Variants in NBEA observed in about 807,000 individuals in gnomAD.
NBEA encodes the protein lysosomal-trafficking regulator 2.
In NBEA, 44 loss-of-function variants were observed where a neutral mutation model predicts 343.4. The ratio of observed to expected loss-of-function variants is 0.13; its 90% confidence interval spans 0.10 to 0.16. NBEA has a LOEUF of 0.16. Among genes scored for constraint, NBEA ranks in the 10% least tolerant of loss-of-function variants. NBEA has a pLI of 1.00. For synonymous variants in NBEA, 1,175 were observed against 1,238.7 expected (o/e 0.95, Z 1.08); for missense variants, 2,555 against 3,631.3 (o/e 0.70, Z 7.62).
intron 41 of NBEA, among the ~76,000 whole-genome samples, chr13:35,525,397 C>CA (rs1258674084): frequency 1.1e-4 from 17 of 152,074 alleles, no homozygotes; most frequent in African/African-American, 3.9e-4. Context: ...ACTAAAAATA[C>CA]AAAAAATTAG....
intron 11 of NBEA, among the ~76,000 whole-genome samples, chr13:35,107,770 T>C (rs2065988405): frequency 6.6e-6 from 1 of 152,014 alleles, no homozygotes; most frequent in Non-Finnish European, 1.5e-5. Context: ...TCTTGAGTTC[T>C]ACCTTTAAGG....
At chr13:35,482,109 A>G (rs1386540772) in intron 41 of NBEA, among the ~76,000 whole-genome samples, 1 of 151,686 alleles carries the variant, frequency 6.6e-6, no homozygotes, top group Non-Finnish European at 1.5e-5. Context: ...TTTTTAATTT[A>G]TAGTTTTGGA....
chr13:35,497,937 A>C (rs529192673), intron 41 of NBEA, among the ~76,000 whole-genome samples: 132 of 152,140 alleles, frequency 8.7e-4, no homozygotes, highest in African/African-American at 3.0e-3. Context: ...TTTTACCTTG[A>C]ATGTGTTGCT....
chr13:35,428,920 A>G (rs1017200602), intron 38 of NBEA, among the ~76,000 whole-genome samples: 1 of 152,152 alleles, frequency 6.6e-6, no homozygotes, highest in East Asian at 1.9e-4. Context: ...GTAGAAATCT[A>G]AGTTCTTCAC....
intron 1 of NBEA, among the ~76,000 whole-genome samples, chr13:34,980,035 G>T: frequency 6.6e-6 from 1 of 152,104 alleles, no homozygotes; most frequent in Non-Finnish European, 1.5e-5. Context: ...AGTCTTTCTT[G>T]TTCCATTGAT....
intron 23 of NBEA, 133 bp from the exon 24 acceptor site, chr13:35,164,223 G>T (rs2152715500): frequency 1.3e-6 from 1 of 745,150 alleles, no homozygotes; most frequent in Non-Finnish European, 2.0e-6. Context: ...ATTATAAATT[G>T]CTTTATTTTA....
In NBEA at chr13:35,297,350, G is replaced by A. The variant is rs2036205834; in HGVS notation, c.5838+6900G>A. Among the ~76,000 whole-genome samples the A allele has an allele frequency of 1.3e-5, 2 of 151,912 alleles. 1 individual carries two copies. Among genetic ancestry groups the A allele is most frequent in the South Asian group, 4.1e-4 (2 of 4,826 alleles). The stretch of plus-strand genomic sequence containing the variant: ...GATAAATATAGGTATCTGTTTATAT[G>A]TTTTAATTGGATGCTCTTATATGTG... On this transcript the variant is annotated intron_variant, in intron 35 of 58. Coordinates refer to ENST00000379939, the MANE Select transcript of NBEA (RefSeq NM_001385012.1).
intron 10 of NBEA, among the ~76,000 whole-genome samples, chr13:35,077,774 T>G (rs2064185391): frequency 6.6e-6 from 1 of 152,170 alleles, no homozygotes; most frequent in African/African-American, 2.4e-5. Context: ...AAAGTCATTA[T>G]CTGATTTGGT....
chr13:35,439,434 G>A (rs2045616785), intron 39 of NBEA, among the ~76,000 whole-genome samples: 2 of 152,286 alleles, frequency 1.3e-5, no homozygotes, highest in Middle Eastern at 3.4e-3. Flanking sequence ...CAGGTTATCG[G>A]GGAGTAAAGG....
chr13:35,426,429 A>C (rs949038999), intron 38 of NBEA, among the ~76,000 whole-genome samples: 22 of 152,210 alleles, frequency 1.4e-4, no homozygotes, highest in Non-Finnish European at 2.6e-4. Context: ...CTGGATATGA[A>C]ATTCTGGGTT....
At chr13:35,254,693 T>C (rs1302591323) in intron 34 of NBEA, among the ~76,000 whole-genome samples, 2 of 152,134 alleles carry the variant, frequency 1.3e-5, no homozygotes, top group Non-Finnish European at 2.9e-5. Flanking sequence ...AAAATTTTTT[T>C]TCAAGATAAA....
Position 35,159,153 on chromosome 13 carries a change from A to G in NBEA, c.2982A>G (p.Ala994=). The G allele has an allele frequency of 6.2e-7, 1 of 1,613,636 alleles. No homozygotes were observed. The highest frequency in any genetic ancestry group is 2.2e-5 in the East Asian group (1 of 44,848). ...GTCTTTCATCACAGACAACAGGAGCAAAAGGTGGAATGGAAATTCGAGAGA... is the reference window on the plus strand; with the variant it reads ...GTCTTTCATCACAGACAACAGGAGCGAAAGGTGGAATGGAAATTCGAGAGA... ...ISGLSSQTTG[A]KGGMEIREIE... is the part of the protein sequence containing the mutation. Residue 994 remains alanine, a synonymous_variant, in exon 22 of 59, where the codon GCA becomes GCG. Coordinates refer to ENST00000379939, the MANE Select transcript of NBEA (RefSeq NM_001385012.1).
Position 35,048,769 on chromosome 13 carries a change from A to C in NBEA, c.845+85A>C, listed in dbSNP as rs1422954342. 3 of 705,972 alleles carry C rather than the reference A, an allele frequency of 4.2e-6. No individual in the cohort carries two copies. In the East Asian group the frequency reaches 8.3e-5, roughly 20 times the overall value. The allele number at this position is 705,972 out of a possible 1,614,324, so 43.7% of individuals were successfully genotyped here. A position where few individuals can be genotyped will look rare whatever the true frequency, so the allele number is the denominator to read the frequency against. ...ATAGTCTCAAGGCAACTTAGATAGA[A>C]TATATGTATATATGTGCGTATAATA... On this transcript the variant is annotated intron_variant, in intron 5 of 58. Transcript: ENST00000379939.
intron 31 of NBEA, among the ~76,000 whole-genome samples, chr13:35,202,035 A>G (rs2073057326): frequency 6.6e-6 from 1 of 152,196 alleles, no homozygotes; most frequent in African/African-American, 2.4e-5. Context: ...AGTTTGGAAT[A>G]GAAAGTCCAC....
In NBEA at chr13:35,348,488, C is replaced by A. The variant is rs1003990688; in HGVS notation, c.5904-620C>A. Among the ~76,000 whole-genome samples, 4 of 151,968 alleles carry A rather than the reference C, an allele frequency of 2.6e-5. No homozygotes were observed. In the East Asian group the frequency reaches 7.7e-4, roughly 29 times the overall value. On this transcript the variant is annotated intron_variant, in intron 36 of 58. Coordinates refer to ENST00000379939, the MANE Select transcript of NBEA (RefSeq NM_001385012.1). ...ACATTTTAAAAATAATTCGAATCTCCTAAATAAGTAACTTCTGTAGTTAAA... is the reference window on the plus strand; with the variant it reads ...ACATTTTAAAAATAATTCGAATCTCATAAATAAGTAACTTCTGTAGTTAAA...
At chr13:35,323,471 AACCAAAC>A (rs1181251699) in intron 36 of NBEA, among the ~76,000 whole-genome samples, 2 of 151,188 alleles carry the variant, frequency 1.3e-5, no homozygotes, top group Non-Finnish European at 2.9e-5. Flanking sequence ...AAGAACAAAA[AACCAAAC>A]ACCACATATT....
chr13:35,655,369 A>G (rs990838837), intron 54 of NBEA, among the ~76,000 whole-genome samples: 3 of 152,332 alleles, frequency 2.0e-5, no homozygotes, highest in East Asian at 3.9e-4. Context: ...ACATTCTTGT[A>G]TCAGTTTCCA....
intron 1 of NBEA, among the ~76,000 whole-genome samples, chr13:34,969,678 A>G (rs1296898050): frequency 6.6e-6 from 1 of 152,080 alleles, no homozygotes; most frequent in Admixed American, 6.6e-5. Context: ...TTTGCTGAGG[A>G]TAATGGCCTC....
At chr13:35,100,887 C>G (rs112629043) in intron 11 of NBEA, among the ~76,000 whole-genome samples, 1 of 151,906 alleles carries the variant, frequency 6.6e-6, no homozygotes, top group Non-Finnish European at 1.5e-5. Context: ...CCCTAGTCAA[C>G]CCATAATTCA....
Sources: gnomAD v4.1 joint callset for allele counts (sites outside exome capture counted in the v4.1 genomes callset) on GRCh38, gnomAD v4.1.1 for gene constraint, MANE v1.5 for transcripts, NCBI Gene and HGNC (gene_info 2026-07-23, HGNC 2026-07-21) for gene names.